SMOC2: variants seen among roughly 807,000 people sequenced by gnomAD.
The protein encoded by SMOC2 is SPARC-related modular calcium-binding protein 2.
In SMOC2, 39 loss-of-function variants were observed where a neutral mutation model predicts 61.4. The ratio of observed to expected loss-of-function variants is 0.64; its 90% CI spans 0.49 to 0.83. The LOEUF is 0.83. Among genes scored for constraint, SMOC2 ranks in the 40% least tolerant of loss-of-function variants. The pLI is 0.00. For missense variants in SMOC2, 556 were observed against 592.9 expected (o/e 0.94, Z 0.65); for synonymous variants, 247 against 239.9 (o/e 1.03, Z -0.27).
chr6:168,539,034 C>T (rs1333056498), intron 4 of SMOC2, among the ~76,000 whole-genome samples: 1 of 152,078 alleles, frequency 6.6e-6, no homozygotes, highest in Non-Finnish European at 1.5e-5. Flanking sequence ...GTCGCTTCCT[C>T]CCTTCGCTTT....
At chr6:168,582,828 G>A (rs1336472914) in intron 7 of SMOC2, among the ~76,000 whole-genome samples, 1 of 152,216 alleles carries the variant, frequency 6.6e-6, no homozygotes, top group Non-Finnish European at 1.5e-5. Context: ...CACGCACGGG[G>A]AAGACCCGGG....
chr6:168,441,269 C>A lies in SMOC2; in HGVS notation c.-102C>A, dbSNP rs983923262. ...TGGGGAGAGCATCGCGGAGCCGCCC[C>A]TCCACGCGCCCGCCCAGCCGCGCTC... On this transcript the variant is annotated 5_prime_UTR_variant, in exon 1 of 13. Coordinates refer to ENST00000356284, the MANE Select transcript of SMOC2 (RefSeq NM_001166412.2). 16 of 1,379,078 alleles carry A rather than the reference C, an allele frequency of 1.2e-5. No homozygotes were observed. The highest frequency in any genetic ancestry group is 1.4e-5 in the Non-Finnish European group (15 of 1,076,676). The allele number at this position is 1,379,078 out of a possible 1,614,324, so 85.4% of individuals were successfully genotyped here.
chr6:168,583,896 C>T (rs113059867), intron 7 of SMOC2, among the ~76,000 whole-genome samples: 3 of 152,042 alleles, frequency 2.0e-5, no homozygotes, highest in Admixed American at 1.3e-4. Flanking sequence ...CAGAGGAGGG[C>T]GAGGGCCTTG....
intron 1 of SMOC2, among the ~76,000 whole-genome samples, chr6:168,449,857 T>C (rs1215127449): frequency 6.6e-6 from 1 of 152,236 alleles, no homozygotes; most frequent in Non-Finnish European, 1.5e-5. Flanking sequence ...AACATACATA[T>C]CTTTAGAGGG....
At chr6:168,567,892 G>T (rs982529665) in intron 7 of SMOC2, among the ~76,000 whole-genome samples, 3 of 151,722 alleles carry the variant, frequency 2.0e-5, no homozygotes, top group African/African-American at 7.3e-5. Context: ...CTTCAGATGA[G>T]CAACTACAGG....
intron 9 of SMOC2, among the ~76,000 whole-genome samples, chr6:168,608,880 A>G (rs17553278): frequency 0.17 from 25,300 of 152,190 alleles, 2,316 homozygotes; most frequent in Middle Eastern, 0.31. Flanking sequence ...TTTAACCAAC[A>G]TCTCAGAGAC....
chr6:168,548,351 C>CCT (rs1554238252), intron 6 of SMOC2, among the ~76,000 whole-genome samples: 1 of 127,186 alleles, frequency 7.9e-6, no homozygotes, highest in Non-Finnish European at 1.6e-5. Flanking sequence ...CACTACATTC[C>CCT]TTTTTTTTTT....
intron 1 of SMOC2, among the ~76,000 whole-genome samples, chr6:168,508,479 G>C (rs1452025332): frequency 6.6e-6 from 1 of 152,182 alleles, no homozygotes; most frequent in Non-Finnish European, 1.5e-5. Context: ...CAACCCACCT[G>C]GTGATCCGCA....
intron 1 of SMOC2, among the ~76,000 whole-genome samples, chr6:168,494,884 A>C (rs1782550846): frequency 6.6e-6 from 1 of 152,168 alleles, no homozygotes; most frequent in East Asian, 1.9e-4. Context: ...GAGGGCTGGG[A>C]TGGACCATCC....
chr6:168,582,383 C>T (rs1375098870), intron 7 of SMOC2, among the ~76,000 whole-genome samples: 4 of 152,108 alleles, frequency 2.6e-5, no homozygotes, highest in African/African-American at 4.8e-5. Flanking sequence ...AGTGTGAGTG[C>T]GTGTGTGAGC....
At chr6:168,658,087 T>C (rs1249758466) in intron 11 of SMOC2, among the ~76,000 whole-genome samples, 2 of 152,140 alleles carry the variant, frequency 1.3e-5, no homozygotes, top group African/African-American at 4.8e-5. Context: ...ATGGGAGGCC[T>C]GGGGGACTGA....
chr6:168,527,671 C>A lies in SMOC2; in HGVS notation c.407C>A (p.Pro136His). 6.4e-7 allele frequency: 1 copy of A among 1,552,610 alleles called. No homozygotes were observed. Among genetic ancestry groups the A allele is most frequent in the East Asian group, 2.4e-5 (1 of 41,136 alleles). The change falls in exon 4 of 13, where the codon CCC becomes CAC. Residue 136 changes from proline (P) to histidine (H), a missense_variant. Physicochemically the swap from Pro to His is moderately conservative, Grantham distance 77. Coordinates refer to ENST00000356284, the MANE Select transcript of SMOC2 (RefSeq NM_001166412.2). The stretch of plus-strand genomic sequence containing the variant: ...ACGGGATACTGCTGGTGCGTCACGC[C>A]CAACGGGAGGCCCATCAGCGGCACT... ...SYTGYCWCVT[P>H]NGRPISGTAV...
chr6:168,572,806 C>T (rs112972319), intron 7 of SMOC2, among the ~76,000 whole-genome samples: 4 of 33,548 alleles, frequency 1.2e-4, no homozygotes, highest in African/African-American at 4.1e-4. Flanking sequence ...TGCCCGCATC[C>T]CCGGGTGCTG....
intron 1 of SMOC2, among the ~76,000 whole-genome samples, chr6:168,489,226 C>T (rs777723579): frequency 6.7e-6 from 1 of 149,696 alleles, no homozygotes; most frequent in Non-Finnish European, 1.5e-5. Context: ...TCGTCTGGGT[C>T]CTCTTGGATC....
chr6:168,643,695 A>T (rs1166267818), intron 9 of SMOC2, among the ~76,000 whole-genome samples: 1 of 152,190 alleles, frequency 6.6e-6, no homozygotes, highest in Non-Finnish European at 1.5e-5. Context: ...AATCACCTGG[A>T]CGTAGGATGC....
At chr6:168,492,684 G>A (rs550773554) in intron 1 of SMOC2, among the ~76,000 whole-genome samples, 4 of 152,336 alleles carry the variant, frequency 2.6e-5, no homozygotes, top group South Asian at 2.1e-4. Context: ...CGTGACCTAC[G>A]AGGTTGATGA....
chr6:168,623,482 C>CTTGCTTATTTAT (rs1286733116), intron 9 of SMOC2, among the ~76,000 whole-genome samples: 1 of 146,376 alleles, frequency 6.8e-6, no homozygotes, highest in African/African-American at 2.6e-5. Flanking sequence ...CCCCACCTGG[C>CTTGCTTATTTAT]TTATTTATTT....
At chr6:168,591,332 G>T (rs1243513907) in intron 7 of SMOC2, among the ~76,000 whole-genome samples, 3 of 152,198 alleles carry the variant, frequency 2.0e-5, no homozygotes, top group Admixed American at 6.6e-5. Flanking sequence ...AACTAGAAAA[G>T]CACAAACCAC....
Position 168,652,988 on chromosome 6 carries a change from G to A in SMOC2, c.1045G>A (p.Glu349Lys), listed in dbSNP as rs373685903. Residue 349 changes from glutamate to lysine, a missense_variant, in exon 11 of 13, where the codon GAG (glutamate) becomes AAG (lysine). Physicochemically the swap from Glu to Lys is moderately conservative, Grantham distance 56 (BLOSUM62 1). Transcript: ENST00000356284. ...SEPDPSHTLE[E>K]RVVHWYFKLL... ...ACCCGACCCCAGCCATACCCTAGAG[G>A]AGCGGGTGGTGCACTGGTACTTCAA... The A allele has an allele frequency of 2.5e-6, 4 of 1,613,958 alleles. No individual in the cohort carries two copies. Among genetic ancestry groups the A allele is most frequent in the Non-Finnish European group, 3.4e-6 (4 of 1,179,952 alleles).
Sources: gnomAD v4.1 joint callset for allele counts (sites outside exome capture counted in the v4.1 genomes callset) on GRCh38, gnomAD v4.1.1 for gene constraint, MANE v1.5 for transcripts, NCBI Gene and HGNC (gene_info 2026-07-23, HGNC 2026-07-21) for gene names.